Variants in GLMN observed in about 807,000 individuals in gnomAD.
The protein encoded by GLMN is glomulin.
Under a neutral mutation model 87.8 loss-of-function variants are expected in GLMN, and 75 were observed. The observed-to-expected ratio is 0.85, with a 90% CI of 0.71 to 1.04. The LOEUF is 1.04. GLMN is among the 50% of genes least tolerant of loss of function. The pLI, the probability that GLMN is intolerant of heterozygous loss-of-function variation, is 0.00. For missense variants in GLMN, 588 were observed against 658.8 expected (o/e 0.89, Z 1.18); for synonymous variants, 206 against 221.6 (o/e 0.93, Z 0.63).
intron 5 of GLMN, 107 bp downstream of exon 5, chr1:92,290,091 C>A: frequency 1.4e-6 from 1 of 736,566 alleles, no homozygotes; most frequent in Admixed American, 1.9e-5. Flanking sequence ...AGAGTACTCA[C>A]TAATTAGCTG....
At chr1:92,286,924 C>G (rs1398543430) in intron 6 of GLMN, among the ~76,000 whole-genome samples, 3 of 152,178 alleles carry the variant, frequency 2.0e-5, no homozygotes, top group African/African-American at 7.2e-5. Context: ...GACTTCCCAG[C>G]CTCCAGAACT....
chr1:92,248,768 A>C (rs1014665961), intron 16 of GLMN, among the ~76,000 whole-genome samples: 1 of 150,194 alleles, frequency 6.7e-6, no homozygotes, highest in East Asian at 1.9e-4. Context: ...GCAGCATTCC[A>C]AATAAAATCT....
the GLMN span, among the ~76,000 whole-genome samples, chr1:92,335,115 CTG>C: frequency 6.6e-6 from 1 of 152,162 alleles, no homozygotes; most frequent in Non-Finnish European, 1.5e-5. Context: ...CGTGATTAAA[CTG>C]TTCTCCATAG....
chr1:92,315,014 C>T, the GLMN span, among the ~76,000 whole-genome samples: 1 of 151,980 alleles, frequency 6.6e-6, no homozygotes, highest in Non-Finnish European at 1.5e-5. Context: ...CACTGCACTC[C>T]AGCCTGGGTG....
chr1:92,304,125 G>C, the GLMN span: 2 of 1,376,808 alleles, frequency 1.5e-6, no homozygotes, highest in Non-Finnish European at 2.0e-6. Context: ...TTTTCATTTA[G>C]CAAAATACTT....
At chr1:92,352,176 C>G in the GLMN span, among the ~76,000 whole-genome samples, 1 of 152,192 alleles carries the variant, frequency 6.6e-6, no homozygotes, top group African/African-American at 2.4e-5. Context: ...TTCCAGTGAA[C>G]TGTGGCCCGC....
chr1:92,293,720 C>G (rs1439748427), intron 3 of GLMN, among the ~76,000 whole-genome samples: 1 of 152,136 alleles, frequency 6.6e-6, no homozygotes, highest in African/African-American at 2.4e-5. Flanking sequence ...TGTCCATCAA[C>G]AGATGAATGG....
chr1:92,269,864 CT>C (rs1433687683), intron 8 of GLMN, 88 bp from the exon 9 acceptor site: 1 of 885,598 alleles, frequency 1.1e-6, no homozygotes, highest in East Asian at 2.5e-5. Context: ...TGAATTGTAT[CT>C]CCCCCAAAAA....
At chr1:92,309,534 TACACAC>T in the GLMN span, among the ~76,000 whole-genome samples, 1 of 122,062 alleles carries the variant, frequency 8.2e-6, no homozygotes. Context: ...CCTGGCAGGC[TACACAC>T]ATACACATAC....
chr1:92,266,291 A>C (rs1208709702), intron 13 of GLMN, 128 bp downstream of exon 13: 17 of 702,826 alleles, frequency 2.4e-5, no homozygotes, highest in Non-Finnish European at 4.5e-5. Context: ...AATTTATAAT[A>C]TGGGTTCCAA....
intron 3 of GLMN, among the ~76,000 whole-genome samples, chr1:92,296,523 AC>A (rs1384449575): frequency 2.0e-5 from 3 of 151,946 alleles, no homozygotes; most frequent in African/African-American, 7.3e-5. Flanking sequence ...TGGGGAAACC[AC>A]CCCCATGATT....
Position 92,263,678 on chromosome 1 carries a change from A to C in GLMN, c.1354T>G (p.Leu452Val), listed in dbSNP as rs764104780. The C allele has an allele frequency of 6.2e-7, 1 of 1,605,680 alleles. No homozygotes were observed. The highest frequency in any genetic ancestry group is 8.5e-7 in the Non-Finnish European group (1 of 1,172,246). ...GCACCCTCTGGGAGAAAAAGTACCA[A>C]ATCAAGAAGGGAAATCAACTGTGGT... The part of the protein sequence containing the change: ...TGPQLISLLD[L>V]VLFLPEGAET... The change falls in exon 15 of 19, where the codon TTG becomes GTG. Residue 452 changes from leucine to valine, a missense_variant. By Grantham distance (32) the Leu-to-Val change is conservative (BLOSUM62 1). Transcript: ENST00000370360.
chr1:92,296,163 A>G (rs930259812), intron 3 of GLMN, among the ~76,000 whole-genome samples: 4 of 152,176 alleles, frequency 2.6e-5, no homozygotes, highest in Admixed American at 6.5e-5. Flanking sequence ...CCTGGAGAGA[A>G]ACACAGATCA....
chr1:92,303,932 T>C, upstream of GLMN: 1 of 1,372,696 alleles, frequency 7.3e-7, no homozygotes, highest in Non-Finnish European at 1.0e-6. Flanking sequence ...ATAAATGAAC[T>C]TTTCTATTAA....
At chr1:92,320,738 TTATG>T in the GLMN span, 1 of 796,342 alleles carries the variant, frequency 1.3e-6, no homozygotes, top group South Asian at 1.9e-5. Flanking sequence ...TGCTGATGCA[TTATG>T]TAAGTGTCCC....
At chr1:92,346,486 A>G in the GLMN span, among the ~76,000 whole-genome samples, 55 of 152,288 alleles carry the variant, frequency 3.6e-4, no homozygotes, top group South Asian at 0.011. Flanking sequence ...GGAAAGAGAC[A>G]AATATCCTCA....
At position 92,264,647 on chromosome 1, in the gene GLMN, C is replaced by A. The variant is rs774161019; in HGVS notation, c.1215-9G>T. ...TTGTATTCAATAAGCACCTTGAAAG[C>A]AAAATTACAATAGATGTGAAATTAT... On this transcript the variant is annotated splice_polypyrimidine_tract_variant and intron_variant, in intron 13 of 18. Coordinates refer to ENST00000370360, the MANE Select transcript of GLMN (RefSeq NM_053274.3). The A allele has an allele frequency of 2.4e-5, 34 of 1,413,724 alleles. No individual in the cohort carries two copies. Among genetic ancestry groups the A allele is most frequent in the Non-Finnish European group, 1.1e-5 (11 of 997,808 alleles). The allele number at this position is 1,413,724 out of a possible 1,614,324, so 87.6% of individuals were successfully genotyped here.
the GLMN span, among the ~76,000 whole-genome samples, chr1:92,330,082 A>G: frequency 6.6e-6 from 1 of 152,180 alleles, no homozygotes; most frequent in Non-Finnish European, 1.5e-5. Context: ...TAGTGGACCA[A>G]GTGGGAATGA....
intron 16 of GLMN, among the ~76,000 whole-genome samples, chr1:92,260,751 G>T: frequency 8.8e-6 from 1 of 113,394 alleles, no homozygotes; most frequent in African/African-American, 3.5e-5. Context: ...GTGAGACACT[G>T]TCTCTTTGAG....
Sources: gnomAD v4.1 joint callset for allele counts (sites outside exome capture counted in the v4.1 genomes callset) on GRCh38, gnomAD v4.1.1 for gene constraint, MANE v1.5 for transcripts, NCBI Gene and HGNC (gene_info 2026-07-23, HGNC 2026-07-21) for gene names.